WDR90: variants seen among roughly 807,000 people sequenced by gnomAD.
WDR90 encodes WD repeat-containing protein 90.
WDR90 carries 238 observed loss-of-function variants against 195.2 expected under a neutral mutation model. The observed-to-expected ratio is 1.22, with a 90% CI of 1.10 to 1.36. The LOEUF (loss-of-function observed/expected upper bound fraction) is 1.36, where lower values mean the gene tolerates loss of function less well. WDR90 is among the 40% of genes most tolerant of loss of function. WDR90 has a pLI of 0.00. For synonymous variants in WDR90, 1,265 were observed against 1,052.4 expected (o/e 1.20, Z -3.91); for missense variants, 2,734 against 2,439.5 (o/e 1.12, Z -2.54).
At chr16:649,284 C>T, upstream of WDR90, 3 of 1,146,718 alleles carry the variant, frequency 2.6e-6, no homozygotes, top group Admixed American at 4.2e-5. Context: ...GGTCACGTGG[C>T]CAGGGCGCCG....
chr16:666,225 A>G lies in WDR90; in HGVS notation c.4615A>G (p.Thr1539Ala), dbSNP rs753863872. The G allele has an allele frequency of 1.2e-6, 2 of 1,612,266 alleles. 1 individual carries two copies. Among genetic ancestry groups the G allele is most frequent in the South Asian group, 2.2e-5 (2 of 91,088 alleles). The change falls in exon 37 of 41, where the codon ACT becomes GCT. Residue 1539 changes from threonine to alanine, a missense_variant. By Grantham distance (58) the Thr-to-Ala change is moderately conservative (BLOSUM62 0). Transcript: ENST00000293879. ...TTVAFSTDGQTVLSGDKDGLV... is the reference protein window; with the variant it reads ...TTVAFSTDGQAVLSGDKDGLV... ...GGGTGACGGCATGGTCCCAGGTCAG[A>G]CTGTCCTCTCTGGAGACAAGGATGG...
chr16:660,716 T>C lies in WDR90; in HGVS notation c.3391+2T>C, dbSNP rs950404350. 6.4e-7 allele frequency: 1 copy of C among 1,557,678 alleles called. No homozygotes were observed. The highest frequency in any genetic ancestry group is 8.7e-7 in the Non-Finnish European group (1 of 1,149,968). ...ACATGGTCTGGAGGCCGGACACAGG[T>C]GGGGGCCAAGAGCCTACCCCCACCC... On this transcript the variant is annotated splice_donor_variant, in intron 28 of 40. Transcript: ENST00000293879. LOFTEE classifies it high-confidence loss of function.
chr16:664,530 G>A (rs1226566712), intron 34 of WDR90, among the ~76,000 whole-genome samples: 1 of 152,176 alleles, frequency 6.6e-6, no homozygotes, highest in Non-Finnish European at 1.5e-5. Flanking sequence ...GAAGTGCGAG[G>A]AATTCTGGGC....
rs2038011448 is a variant in WDR90, at chr16:665,738, G to A, written c.4371G>A (p.Gly1457=). The change falls in exon 35 of 41, where the codon GGG becomes GGA. Residue 1457 remains glycine, a synonymous_variant. Coordinates refer to ENST00000293879, the MANE Select transcript of WDR90 (RefSeq NM_145294.5). The part of the protein sequence containing the change: ...ESHCATCSED[G]SVRVWALASM... The stretch of plus-strand genomic sequence containing the variant: ...ACTGCGCCACATGCAGTGAGGATGG[G>A]AGTGTGCGGGTGTGGGCCTTGGCCA... The A allele has an allele frequency of 6.2e-7, 1 of 1,611,892 alleles. No homozygotes were observed. Among genetic ancestry groups the A allele is most frequent in the Admixed American group, 1.7e-5 (1 of 59,954 alleles).
At position 653,780 on chromosome 16, in the gene WDR90, G is replaced by A. The variant is rs767030140; in HGVS notation, c.1414G>A (p.Gly472Ser). 1 of 1,613,252 alleles carries A rather than the reference G, an allele frequency of 6.2e-7. No homozygotes were observed. Among genetic ancestry groups the A allele is most frequent in the South Asian group, 1.1e-5 (1 of 91,086 alleles). ...CAGCGGGGCCCTTCTCTGCGGGGTT[G>A]GCAAGGACCACCACGGGAGGACGGT... ...SDSGALLCGV[G>S]KDHHGRTMVV... The change falls in exon 13 of 41, where the codon GGC becomes AGC. Residue 472 changes from glycine to serine, a missense_variant. Gly to Ser is a moderately conservative substitution (Grantham distance 56). Coordinates refer to ENST00000293879, the MANE Select transcript of WDR90 (RefSeq NM_145294.5).
intron 9 of WDR90, 155 bp from the exon 10 acceptor site, chr16:652,312 T>C (rs1350973221): frequency 2.1e-6 from 2 of 947,532 alleles, no homozygotes; most frequent in Non-Finnish European, 3.1e-6. Flanking sequence ...GAGTCCCAGC[T>C]TCCACCTTAC....
chr16:654,168 C>T (rs1380365814), intron 13 of WDR90: 6 of 311,666 alleles, frequency 1.9e-5, no homozygotes, highest in Non-Finnish European at 2.3e-5. Flanking sequence ...GCCGAAGCAC[C>T]CGGCATCTTG....
chr16:649,430 G>C lies in WDR90; in HGVS notation c.10+4G>C, dbSNP rs746139095. 60 of 1,301,936 alleles carry C rather than the reference G, an allele frequency of 4.6e-5. No homozygotes were observed. Among genetic ancestry groups the C allele is most frequent in the Non-Finnish European group, 9.7e-6 (10 of 1,028,316 alleles). 80.6% of individuals were successfully genotyped at this position (1,301,936 alleles called of 1,614,324 possible). ...AGCGGCGGCGCCATGGCCCGAGGTA[G>C]CGCGCGGCTGGCGGGGGTCCCGAGG... is the stretch of plus-strand genomic sequence containing the variant. On this transcript the variant is annotated splice_donor_region_variant and intron_variant, in intron 1 of 40. Transcript: ENST00000293879.
intron 14 of WDR90, 60 bp from the exon 15 acceptor site, chr16:655,247 G>A (rs770814665): frequency 2.2e-5 from 35 of 1,611,518 alleles, no homozygotes; most frequent in Middle Eastern, 1.6e-4. Context: ...GCGTCTCTGC[G>A]TCTCCCGGTG....
At position 658,064 on chromosome 16, in the gene WDR90, G is replaced by A; in HGVS notation, c.2605-119G>A. The A allele has an allele frequency of 2.7e-6, 4 of 1,473,000 alleles. No individual in the cohort carries two copies. The South Asian group carries it at 5.3e-5, about 19-fold the overall frequency. 91.2% of individuals were successfully genotyped at this position (1,473,000 alleles called of 1,614,324 possible). A position where few individuals can be genotyped will look rare whatever the true frequency, so the allele number is the denominator to read the frequency against. On this transcript the variant is annotated intron_variant, in intron 21 of 40. Transcript: ENST00000293879. ...CACGTGCGGCCAGGTTCCTGTGCAG[G>A]GCAGGTGCTGCCTGGGTGCCGAGTG...
Position 651,771 on chromosome 16 carries a change from A to G in WDR90, c.840+24A>G, listed in dbSNP as rs370280219. 2.0e-5 allele frequency: 33 copies of G among 1,612,646 alleles called. No homozygotes were observed. In the African/African-American group the frequency reaches 3.9e-4, roughly 19 times the overall value. On this transcript the variant is annotated intron_variant, in intron 8 of 40. Coordinates refer to ENST00000293879, the MANE Select transcript of WDR90 (RefSeq NM_145294.5). ...CCGTGAGTACCCCCTTCGCCCTATG[A>G]GATGGGGTTGGGGTGTGATGGCCCA...
rs1231441095 is a variant in WDR90 at position 660,177 on chromosome 16, T to C, written c.3288+16T>C. ...CTCTGCCAAGGTGGGGAGTGGTTTC[T>C]GGGAGCCCTCTTTATCCCCAGCAAG... is the stretch of plus-strand genomic sequence containing the variant. On this transcript the variant is annotated intron_variant, in intron 27 of 40. Transcript: ENST00000293879. The C allele has an allele frequency of 6.7e-7, 1 of 1,500,664 alleles. No individual in the cohort carries two copies. The highest frequency in any genetic ancestry group is 8.9e-7 in the Non-Finnish European group (1 of 1,117,876). 93.0% of individuals were successfully genotyped at this position (1,500,664 alleles called of 1,614,324 possible).
chr16:660,255 C>G (rs3752496), intron 27 of WDR90, 94 bp downstream of exon 27: 34 of 1,192,774 alleles, frequency 2.9e-5, no homozygotes, highest in Non-Finnish European at 3.4e-5. Flanking sequence ...TGCTTTTGGT[C>G]GCCAAAGGTG....
In WDR90 at chr16:656,280, C is replaced by T. The variant is rs1567216969; in HGVS notation, c.1967-22C>T. The T allele has an allele frequency of 5.6e-6, 9 of 1,596,200 alleles. No individual in the cohort carries two copies. The South Asian group carries it at 1.0e-4, about 18-fold the overall frequency. On this transcript the variant is annotated intron_variant, in intron 17 of 40. Coordinates refer to ENST00000293879, the MANE Select transcript of WDR90 (RefSeq NM_145294.5). ...TCACCCCGGGGTGGCCCTGGAGGCC[C>T]CTGACCCCACCCCACCCACAGAGCA...
chr16:665,815 GC>G lies in WDR90; in HGVS notation c.4434+17del. ...GTGCTGAACCAGGTGTGTGGGGAGT[GC>G]CCGGGCCGGGGGCGGGATGGGGGCC... is the stretch of plus-strand genomic sequence containing the variant. On this transcript the variant is annotated intron_variant, in intron 35 of 40. Transcript: ENST00000293879. The G allele has an allele frequency of 1.3e-6, 2 of 1,562,938 alleles. No homozygotes were observed. Among genetic ancestry groups the G allele is most frequent in the Non-Finnish European group, 1.7e-6 (2 of 1,150,860 alleles).
Position 662,707 on chromosome 16 carries a change from C to A in WDR90, c.4174C>A (p.Leu1392Met). 6.4e-7 allele frequency: 1 copy of A among 1,569,528 alleles called. No homozygotes were observed. The highest frequency in any genetic ancestry group is 8.7e-7 in the Non-Finnish European group (1 of 1,153,548). The part of the protein sequence containing the change: ...SSVFMEHELV[L>M]DGAVVSASFD... Reference sequence around the variant, plus strand: ...TGTGTTCATGGAACACGAGCTGGTGCTGGACGGGGCTGTGGTGAGTGCCAG... The same window carrying A: ...TGTGTTCATGGAACACGAGCTGGTGATGGACGGGGCTGTGGTGAGTGCCAG... The change falls in exon 34 of 41, where the codon CTG (leucine) becomes ATG (methionine). Residue 1392 changes from leucine (L) to methionine (M), a missense_variant. By Grantham distance (15) the Leu-to-Met change is conservative. Transcript: ENST00000293879.
rs141591899 is a variant in WDR90 at position 658,912 on chromosome 16, C to G, written c.2912C>G (p.Ser971Trp). The change falls in exon 24 of 41, where the codon TCG becomes TGG. Residue 971 changes from serine to tryptophan, a missense_variant. Coordinates refer to ENST00000293879, the MANE Select transcript of WDR90 (RefSeq NM_145294.5). The part of the protein sequence containing the change: ...SPGPQVYIGH[S>W]EPVQAVAFSP... ...TACCCCTAGGTGTACATCGGCCACT[C>G]GGAACCCGTGCAGGCTGTGGCCTTC... is the stretch of plus-strand genomic sequence containing the variant. The G allele has an allele frequency of 1.2e-6, 2 of 1,612,130 alleles. No homozygotes were observed. The highest frequency in any genetic ancestry group is 2.2e-5 in the South Asian group (2 of 91,086).
intron 35 of WDR90, 41 bp from the exon 36 acceptor site, chr16:665,909 G>T (rs1239579862): frequency 1.3e-6 from 2 of 1,563,160 alleles, no homozygotes; most frequent in African/African-American, 2.7e-5. Flanking sequence ...TGTCCTCAGG[G>T]CCCCTGTGAG....
At chr16:655,527 T>C in intron 15 of WDR90, 46 bp from the exon 16 acceptor site, 1 of 1,543,306 alleles carries the variant, frequency 6.5e-7, no homozygotes, top group East Asian at 2.3e-5. Flanking sequence ...TGCCTGGGCC[T>C]CCCCTTCCCT....
Sources: allele counts gnomAD v4.1 joint callset (sites outside exome capture counted in the v4.1 genomes callset), GRCh38; gene constraint gnomAD v4.1.1; transcripts MANE v1.5; gene names NCBI Gene and HGNC (gene_info 2026-07-23, HGNC 2026-07-21).